The following PAX3 variants were observed in gnomAD, a reference collection of about 807,000 sequenced individuals.
PAX3 encodes paired box protein Pax-3.
Under a neutral mutation model 51.6 loss-of-function variants are expected in PAX3, and 14 were observed. That is an observed-to-expected ratio of 0.27 (90% CI 0.18 to 0.42). PAX3 has a LOEUF of 0.42. PAX3 is among the 10% of genes least tolerant of loss of function. The pLI is 1.00. For synonymous variants in PAX3, 280 were observed against 253.4 expected, an observed-to-expected ratio of 1.11 and a Z score of -1.00; for missense variants, 540 against 642.8, an observed-to-expected ratio of 0.84 and a Z score of 1.73.
At chr2:222,251,033 G>A (rs542286146) in intron 4 of PAX3, among the ~76,000 whole-genome samples, 1 of 152,252 alleles carries the variant, frequency 6.6e-6, no homozygotes, top group Non-Finnish European at 1.5e-5. Context: ...TAACCACTTT[G>A]TGGTCATAAC....
intron 4 of PAX3, chr2:222,262,768 T>C (rs1693910915): frequency 6.6e-6 from 1 of 152,164 alleles, no homozygotes; most frequent in African/African-American, 2.4e-5. Context: ...CATTGTGGTA[T>C]AAGGAAAGAC....
intron 4 of PAX3, among the ~76,000 whole-genome samples, chr2:222,236,896 A>T (rs552584705): frequency 1.3e-5 from 2 of 152,364 alleles, no homozygotes; most frequent in African/African-American, 4.8e-5. Flanking sequence ...AAGAAAATCC[A>T]TATCAATACA....
Position 222,221,343 on chromosome 2 carries a change from C to T in PAX3, c.837G>A (p.Gly279=), listed in dbSNP as rs1692185590. 6.2e-7 allele frequency: 1 copy of T among 1,613,972 alleles called. No homozygotes were observed. Among genetic ancestry groups the T allele is most frequent in the African/African-American group, 1.3e-5 (1 of 75,012 alleles). ...GGTTGAAAGCCATCAGTTGATTGGC[C>T]CCAGCTTGCTTCCTCCATCTTGCAC... ...NRRARWRKQA[G]ANQLMAFNHL... The change falls in exon 6 of 9, where the codon GGG becomes GGA. Residue 279 remains glycine, a synonymous_variant. Coordinates refer to ENST00000392070, the MANE Select transcript of PAX3 (RefSeq NM_181458.4).
At chr2:222,298,314 C>A (rs1695415910) in intron 1 of PAX3, 1 of 587,926 alleles carries the variant, frequency 1.7e-6, no homozygotes, top group Non-Finnish European at 3.0e-6. Flanking sequence ...CAGGCCTGAC[C>A]GCCCAGCTCC....
At chr2:222,290,217 C>T (rs909277636) in intron 4 of PAX3, among the ~76,000 whole-genome samples, 1 of 152,104 alleles carries the variant, frequency 6.6e-6, no homozygotes, top group South Asian at 2.1e-4. Context: ...TGCTTTTCTG[C>T]GTTTTAAACT....
rs1326475564 is a variant in PAX3 at position 222,276,446 on chromosome 2, G to A, written c.586+17721C>T. Among the ~76,000 whole-genome samples the A allele has an allele frequency of 5.9e-5, 9 of 152,282 alleles. No individual in the cohort carries two copies. In the South Asian group the frequency reaches 8.3e-4, roughly 14 times the overall value. Reference sequence around the variant, plus strand: ...CACCTTCTAAGATATGAAGGGTCCCGGTCCTCTCCATCCTTGCCCTGATTC... The same window carrying A: ...CACCTTCTAAGATATGAAGGGTCCCAGTCCTCTCCATCCTTGCCCTGATTC... On this transcript the variant is annotated intron_variant, in intron 4 of 8. Transcript: ENST00000392070.
chr2:222,228,330 G>A (rs1048021006), intron 5 of PAX3, among the ~76,000 whole-genome samples: 13 of 152,172 alleles, frequency 8.5e-5, no homozygotes, highest in Admixed American at 5.2e-4. Context: ...GCCCTGCTTC[G>A]AAGAGGAGGT....
At chr2:222,203,886 G>A (rs1559251052) in intron 7 of PAX3, among the ~76,000 whole-genome samples, 1 of 152,084 alleles carries the variant, frequency 6.6e-6, no homozygotes, top group African/African-American at 2.4e-5. Flanking sequence ...AAATTTGAAC[G>A]GATGTCCCTG....
At chr2:222,214,173 A>T (rs920121420) in intron 7 of PAX3, among the ~76,000 whole-genome samples, 9 of 152,176 alleles carry the variant, frequency 5.9e-5, no homozygotes, top group Admixed American at 5.9e-4. Flanking sequence ...GACAAGTGAA[A>T]TCAAAAGCAG....
chr2:222,294,373 C>A, intron 3 of PAX3, 72 bp from the exon 4 acceptor site: 3 of 1,562,708 alleles, frequency 1.9e-6, no homozygotes, highest in Non-Finnish European at 2.6e-6. Context: ...CGGGAAGGAC[C>A]CCCCACCCCC....
chr2:222,261,185 T>A (rs1313791504), intron 4 of PAX3, among the ~76,000 whole-genome samples: 12 of 152,210 alleles, frequency 7.9e-5, no homozygotes, highest in Non-Finnish European at 1.3e-4. Context: ...TTGTCAGAGC[T>A]GCCATGCACG....
At chr2:222,255,277 T>C (rs78360770) in intron 4 of PAX3, among the ~76,000 whole-genome samples, 2,712 of 148,070 alleles carry the variant, frequency 0.018, 29 homozygotes, top group Middle Eastern at 0.095. Flanking sequence ...AGGCATGTGA[T>C]AGAAAATGCC....
At chr2:222,298,263 G>A in intron 1 of PAX3, 1 of 510,460 alleles carries the variant, frequency 2.0e-6, no homozygotes, top group Non-Finnish European at 3.5e-6. Context: ...CTCCACCGCG[G>A]CATTTCCAAA....
intron 4 of PAX3, among the ~76,000 whole-genome samples, chr2:222,281,995 T>C (rs2106176517): frequency 6.6e-6 from 1 of 152,314 alleles, no homozygotes; most frequent in African/African-American, 2.4e-5. Context: ...ATCCTGCACA[T>C]TCCGGGCCTG....
chr2:222,200,283 G>A lies in PAX3; in HGVS notation c.*1125C>T, dbSNP rs778745631. ...TAATCTTTTAATATTGGATATCATT[G>A]TATAATTTAAAAGTACATGAGAGCC... On this transcript the variant is annotated 3_prime_UTR_variant, in exon 9 of 9. Coordinates refer to ENST00000392070, the MANE Select transcript of PAX3 (RefSeq NM_181458.4). 54 of 217,850 alleles carry A rather than the reference G, an allele frequency of 2.5e-4. No individual in the cohort carries two copies. Among genetic ancestry groups the A allele is most frequent in the Middle Eastern group, 1.4e-3 (1 of 728 alleles). The allele number at this position is 217,850 out of a possible 1,614,324, so 13.5% of individuals were successfully genotyped here.
chr2:222,279,153 C>T (rs760005791), intron 4 of PAX3, among the ~76,000 whole-genome samples: 27 of 152,114 alleles, frequency 1.8e-4, no homozygotes, highest in Non-Finnish European at 2.8e-4. Flanking sequence ...GCGGTTTCAC[C>T]GTGCTGGCTA....
At chr2:222,242,333 TTAATAA>T (rs1476560499) in intron 4 of PAX3, 4 of 152,166 alleles carry the variant, frequency 2.6e-5, no homozygotes, top group South Asian at 2.1e-4. Context: ...CAAAATTAAC[TTAATAA>T]TAGTAATTAT....
At chr2:222,294,345 G>A (rs1160863676) in intron 3 of PAX3, 44 bp from the exon 4 acceptor site, 1 of 1,610,146 alleles carries the variant, frequency 6.2e-7, no homozygotes, top group Non-Finnish European at 8.5e-7. Context: ...GCACATGGTT[G>A]AGACAAGCAG....
At chr2:222,227,876 G>T (rs1692444727) in intron 5 of PAX3, among the ~76,000 whole-genome samples, 1 of 152,086 alleles carries the variant, frequency 6.6e-6, no homozygotes, top group Admixed American at 6.6e-5. Context: ...ACTGACAGAG[G>T]CTAAAGTTAT....
Sources: gnomAD v4.1 joint callset for allele counts (sites outside exome capture counted in the v4.1 genomes callset) on GRCh38, gnomAD v4.1.1 for gene constraint, MANE v1.5 for transcripts, NCBI Gene and HGNC (gene_info 2026-07-23, HGNC 2026-07-21) for gene names.